Variants in TTC7B observed in about 807,000 individuals in gnomAD.
TTC7B encodes the protein tetratricopeptide repeat protein 7B.
A neutral mutation model predicts 106.8 loss-of-function variants in TTC7B; 28 were observed. The ratio of observed to expected loss-of-function variants is 0.26; its 90% CI spans 0.19 to 0.36. The LOEUF is 0.36. Among genes scored for constraint, TTC7B ranks in the 10% least tolerant of loss-of-function variants. TTC7B has a pLI of 1.00. For missense variants in TTC7B, 862 were observed against 1,076.4 expected (o/e 0.80, Z 2.79); for synonymous variants, 405 against 430.6 (o/e 0.94, Z 0.74).
intron 1 of TTC7B, among the ~76,000 whole-genome samples, chr14:90,787,811 C>T (rs1169310770): frequency 4.6e-5 from 7 of 152,050 alleles, no homozygotes; most frequent in South Asian, 2.1e-4. Flanking sequence ...CCAATTAACA[C>T]GAAAACAGGG....
intron 6 of TTC7B, among the ~76,000 whole-genome samples, chr14:90,689,934 A>G (rs955380599): frequency 1.3e-5 from 2 of 152,224 alleles, no homozygotes; most frequent in South Asian, 4.1e-4. Flanking sequence ...AGGTTCATGT[A>G]CTTCAAATGC....
chr14:90,611,316 C>T lies in TTC7B; in HGVS notation c.1869-477G>A, dbSNP rs181621635. Among the ~76,000 whole-genome samples the T allele has an allele frequency of 8.5e-5, 13 of 152,250 alleles. No individual in the cohort carries two copies. The East Asian group carries it at 2.5e-3, about 29-fold the overall frequency. On this transcript the variant is annotated intron_variant, in intron 16 of 19. Coordinates refer to ENST00000328459, the MANE Select transcript of TTC7B (RefSeq NM_001010854.2). ...CCAGGACATCTCTAAACAACAGACG[C>T]CTAGGTCCCACTGTGAACCGAACAA...
At chr14:90,552,626 C>T (rs1890135258) in intron 19 of TTC7B, among the ~76,000 whole-genome samples, 1 of 152,220 alleles carries the variant, frequency 6.6e-6, no homozygotes, top group Admixed American at 6.5e-5. Context: ...GGAACCCACA[C>T]AGAAGGGCAG....
chr14:90,553,020 T>TG (rs950934447), intron 19 of TTC7B, among the ~76,000 whole-genome samples: 1 of 152,204 alleles, frequency 6.6e-6, no homozygotes, highest in Admixed American at 6.5e-5. Context: ...TGCTTTTGTC[T>TG]GGGGCAGGGA....
intron 1 of TTC7B, among the ~76,000 whole-genome samples, chr14:90,810,928 G>A (rs1230665688): frequency 6.6e-6 from 1 of 152,180 alleles, no homozygotes; most frequent in Non-Finnish European, 1.5e-5. Flanking sequence ...GGTCCAGGAG[G>A]CCAAAGTAGC....
intron 1 of TTC7B, among the ~76,000 whole-genome samples, chr14:90,797,091 C>T (rs979196716): frequency 3.3e-5 from 5 of 149,344 alleles, no homozygotes; most frequent in African/African-American, 4.9e-5. Context: ...GTGATCTGCC[C>T]GCCTTGGCCT....
chr14:90,541,539 G>A lies in TTC7B; in HGVS notation c.2361C>T (p.Leu787=), dbSNP rs757031609. 6.2e-7 allele frequency: 1 copy of A among 1,612,386 alleles called. No homozygotes were observed. Among genetic ancestry groups the A allele is most frequent in the South Asian group, 1.1e-5 (1 of 90,960 alleles). Reference sequence around the variant, plus strand: ...TCGAGTTCACCTGCACCGCGTCCCGGAGGATCTTCTCCGCCAGACTGTAGC... The same window carrying A: ...TCGAGTTCACCTGCACCGCGTCCCGAAGGATCTTCTCCGCCAGACTGTAGC... ...LGRYSLAEKI[L]RDAVQVNSTA... The change falls in exon 20 of 20, where the codon CTC becomes CTT. Residue 787 remains leucine (L), a synonymous_variant. Coordinates refer to ENST00000328459, the MANE Select transcript of TTC7B (RefSeq NM_001010854.2).
At position 90,526,924 on chromosome 14, in the gene TTC7B, C is replaced by A. The variant is rs1331340278; in HGVS notation, c.*14444G>T. ...TGCATGAGGACGTACTAATACGGTG[C>A]CTTTCATCCAGGACCCCGTACCACC... On this transcript the variant is annotated 3_prime_UTR_variant, in exon 20 of 20. Transcript: ENST00000328459. The A allele has an allele frequency of 6.6e-6, 1 of 152,126 alleles. No individual in the cohort carries two copies. Among genetic ancestry groups the A allele is most frequent in the Non-Finnish European group, 1.5e-5 (1 of 68,044 alleles). The allele number at this position is 152,126 out of a possible 1,614,324, so 9.4% of individuals were successfully genotyped here. A position where few individuals can be genotyped will look rare whatever the true frequency, so the allele number is the denominator to read the frequency against.
rs1879992688 is a variant in TTC7B at position 90,529,650 on chromosome 14, C to T, written c.*11718G>A. The T allele has an allele frequency of 6.6e-6, 1 of 152,192 alleles. No individual in the cohort carries two copies. Among genetic ancestry groups the T allele is most frequent in the Non-Finnish European group, 1.5e-5 (1 of 68,046 alleles). The allele number at this position is 152,192 out of a possible 1,614,324, so 9.4% of individuals were successfully genotyped here. A position where few individuals can be genotyped will look rare whatever the true frequency, so the allele number is the denominator to read the frequency against. On this transcript the variant is annotated 3_prime_UTR_variant, in exon 20 of 20. Coordinates refer to ENST00000328459, the MANE Select transcript of TTC7B (RefSeq NM_001010854.2). Reference sequence around the variant, plus strand: ...TTCTGAAGAGAGCTTCATTTCTCACCTGGACCTGTATCCGTAATAACTGTA... The same window carrying T: ...TTCTGAAGAGAGCTTCATTTCTCACTTGGACCTGTATCCGTAATAACTGTA...
At chr14:90,686,762 C>A (rs1489817044) in intron 7 of TTC7B, among the ~76,000 whole-genome samples, 3 of 152,132 alleles carry the variant, frequency 2.0e-5, no homozygotes, top group Non-Finnish European at 4.4e-5. Flanking sequence ...TTTGCATGCA[C>A]ACATGTGCAC....
intron 7 of TTC7B, among the ~76,000 whole-genome samples, chr14:90,680,803 AG>A (rs533107537): frequency 7.2e-4 from 110 of 152,334 alleles, no homozygotes; most frequent in African/African-American, 2.6e-3. Flanking sequence ...CATATTACAG[AG>A]GCAGAATTTT....
chr14:90,561,214 T>C (rs1203608274), intron 19 of TTC7B, among the ~76,000 whole-genome samples: 1 of 152,208 alleles, frequency 6.6e-6, no homozygotes, highest in Non-Finnish European at 1.5e-5. Flanking sequence ...CACATCTCAC[T>C]GGCTCCCCCG....
At chr14:90,630,970 G>A (rs1884677729) in intron 15 of TTC7B, among the ~76,000 whole-genome samples, 1 of 152,068 alleles carries the variant, frequency 6.6e-6, no homozygotes, top group Non-Finnish European at 1.5e-5. Context: ...GAGTAGCTGG[G>A]ATTACAGGCG....
rs561945406 is a variant in TTC7B, at chr14:90,600,539, C to T, written c.1967-6913G>A. On this transcript the variant is annotated intron_variant, in intron 17 of 19. Coordinates refer to ENST00000328459, the MANE Select transcript of TTC7B (RefSeq NM_001010854.2). This position sits in a 1 kb window ranked among gnomAD's most constrained non-coding sequence, Gnocchi z 4.3. The stretch of plus-strand genomic sequence containing the variant: ...AGGATTAAGACTCATAGCCCCAAGA[C>T]GGGATCAGTTTCCCACTGACTTTAA... 1.3e-4 allele frequency among the ~76,000 whole-genome samples: 20 copies of T among 152,326 alleles called. No homozygotes were observed. The highest frequency in any genetic ancestry group is 4.1e-4 in the South Asian group (2 of 4,824).
chr14:90,810,657 C>A (rs1384808522), intron 1 of TTC7B, among the ~76,000 whole-genome samples: 1 of 152,208 alleles, frequency 6.6e-6, no homozygotes, highest in African/African-American at 2.4e-5. Flanking sequence ...ACCACCAGAG[C>A]CCTAAAGCAT....
rs1207454074 is a variant in TTC7B at position 90,652,509 on chromosome 14, AAAG to A, written c.1517+329_1517+331del. On this transcript the variant is annotated intron_variant, in intron 13 of 19. Transcript: ENST00000328459. ...TTTTTAAAAAAAAAAAAAAGCTAGA[AAAG>A]AATAATCTCTTCTCTAGATGATGAC... 2.0e-5 allele frequency among the ~76,000 whole-genome samples: 3 copies of A among 151,996 alleles called. No homozygotes were observed. The East Asian group carries it at 5.8e-4, about 29-fold the overall frequency.
At chr14:90,815,801 T>A (rs1157903745) in intron 1 of TTC7B, among the ~76,000 whole-genome samples, 6 of 152,020 alleles carry the variant, frequency 3.9e-5, no homozygotes, top group African/African-American at 1.4e-4. Flanking sequence ...ACCCATGTCC[T>A]GAGGGACCCC....
intron 5 of TTC7B, among the ~76,000 whole-genome samples, chr14:90,702,690 A>G (rs989747576): frequency 4.6e-5 from 7 of 152,332 alleles, no homozygotes; most frequent in African/African-American, 1.7e-4. Context: ...AAAGTCTACC[A>G]TGTCCCAGGA....
intron 17 of TTC7B, among the ~76,000 whole-genome samples, chr14:90,607,300 G>A (rs1235370328): frequency 2.0e-5 from 3 of 152,324 alleles, no homozygotes; most frequent in Admixed American, 6.5e-5. Flanking sequence ...GCAGGATCTC[G>A]AAAGTGGAAG....
Sources: gnomAD v4.1 joint callset for allele counts (sites outside exome capture counted in the v4.1 genomes callset) on GRCh38, gnomAD v4.1.1 for gene constraint, Gnocchi (gnomAD v3.1) non-coding constraint, MANE v1.5 for transcripts, NCBI Gene and HGNC (gene_info 2026-07-23, HGNC 2026-07-21) for gene names.